The following PARD3 variants were observed in gnomAD, a reference collection of about 807,000 sequenced individuals.
PARD3 encodes the protein par-3 family cell polarity regulator, also known as partitioning defective 3 homolog.
In PARD3, 75 loss-of-function variants were observed where a neutral mutation model predicts 155.4. The observed-to-expected ratio is 0.48, with a 90% CI of 0.40 to 0.58. PARD3 has a LOEUF of 0.58. Among genes scored for constraint, PARD3 ranks in the 20% least tolerant of loss-of-function variants. The pLI is 0.00. For missense variants in PARD3, 1,642 were observed against 1,721.7 expected, an observed-to-expected ratio of 0.95 and a Z score of 0.82; for synonymous variants, 576 against 610.5, an observed-to-expected ratio of 0.94 and a Z score of 0.83.
At chr10:34,259,586 T>C (rs756424005) in intron 22 of PARD3, among the ~76,000 whole-genome samples, 21 of 152,288 alleles carry the variant, frequency 1.4e-4, no homozygotes, top group Middle Eastern at 3.4e-3. Context: ...TGAAGGTCCT[T>C]TTCACCTGGT....
chr10:34,293,270 T>C (rs1025256803), intron 20 of PARD3, among the ~76,000 whole-genome samples: 4 of 152,190 alleles, frequency 2.6e-5, no homozygotes, highest in South Asian at 4.1e-4. Flanking sequence ...AACTAGCTGA[T>C]AGACAAGAAG....
chr10:34,599,170 G>A (rs1377589259), intron 2 of PARD3, among the ~76,000 whole-genome samples: 4 of 152,058 alleles, frequency 2.6e-5, no homozygotes, highest in Non-Finnish European at 4.4e-5. Context: ...AGCACATTCC[G>A]AAGATGACTC....
intron 20 of PARD3, among the ~76,000 whole-genome samples, chr10:34,286,263 T>C (rs1019795935): frequency 5.9e-5 from 9 of 152,210 alleles, no homozygotes; most frequent in Non-Finnish European, 1.2e-4. Context: ...TACCATGCAG[T>C]CAGGGCTTAT....
At chr10:34,428,205 C>T (rs1564702074) in intron 5 of PARD3, among the ~76,000 whole-genome samples, 4 of 152,140 alleles carry the variant, frequency 2.6e-5, no homozygotes, top group Non-Finnish European at 5.9e-5. Flanking sequence ...CTCCCAATTC[C>T]CCTGACTCTA....
At chr10:34,525,643 A>T (rs776389268) in intron 2 of PARD3, among the ~76,000 whole-genome samples, 9 of 152,244 alleles carry the variant, frequency 5.9e-5, no homozygotes, top group Non-Finnish European at 1.3e-4. Flanking sequence ...TGCCTGCATT[A>T]ACAAATGATA....
intron 20 of PARD3, among the ~76,000 whole-genome samples, chr10:34,299,576 TAC>T (rs745767812): frequency 1.3e-5 from 2 of 152,208 alleles, no homozygotes; most frequent in Non-Finnish European, 2.9e-5. Context: ...ATGTCTGTCT[TAC>T]AAGATAAATA....
At chr10:34,587,920 C>A (rs2088254917) in intron 2 of PARD3, among the ~76,000 whole-genome samples, 1 of 152,276 alleles carries the variant, frequency 6.6e-6, no homozygotes, top group South Asian at 2.1e-4. Flanking sequence ...CACACAGGGG[C>A]CACAATAGGT....
intron 22 of PARD3, among the ~76,000 whole-genome samples, chr10:34,167,728 C>A (rs187775530): frequency 6.6e-6 from 1 of 152,300 alleles, no homozygotes; most frequent in East Asian, 1.9e-4. Flanking sequence ...CTTATTCTAT[C>A]AACTTCAGCC....
At chr10:34,637,873 G>C (rs140504619) in intron 2 of PARD3, among the ~76,000 whole-genome samples, 3 of 152,112 alleles carry the variant, frequency 2.0e-5, no homozygotes, top group African/African-American at 7.2e-5. Context: ...GTTTGCAGGC[G>C]TGAAATATAT....
rs182662804 is a variant in PARD3, at chr10:34,546,344, C to T, written c.223-29185G>A. Among the ~76,000 whole-genome samples the T allele has an allele frequency of 1.9e-4, 29 of 151,930 alleles. No individual in the cohort carries two copies. The East Asian group carries it at 4.1e-3, about 21-fold the overall frequency. ...CAGTCTGTCCAACATAGTGAAACCC[C>T]GCCTCTACTAAAAATACAAAAAATT... On this transcript the variant is annotated intron_variant, in intron 2 of 24. Coordinates refer to ENST00000374788, the MANE Select transcript of PARD3 (RefSeq NM_001184785.2).
intron 1 of PARD3, among the ~76,000 whole-genome samples, chr10:34,746,039 C>T (rs1403144214): frequency 2.0e-5 from 3 of 151,984 alleles, no homozygotes; most frequent in African/African-American, 7.2e-5. Flanking sequence ...GAGGCGGAGC[C>T]TGCAGTGAGC....
chr10:34,793,571 G>A (rs867202457), intron 1 of PARD3, among the ~76,000 whole-genome samples: 59 of 152,340 alleles, frequency 3.9e-4, no homozygotes, highest in African/African-American at 1.3e-3. Flanking sequence ...CAGATCACCT[G>A]AGGTCAGGAG....
At chr10:34,643,196 G>T (rs1475423054) in intron 2 of PARD3, among the ~76,000 whole-genome samples, 2 of 152,208 alleles carry the variant, frequency 1.3e-5, no homozygotes, top group Non-Finnish European at 2.9e-5. Context: ...GGGACAGAAG[G>T]CCCCACGGCT....
chr10:34,206,281 T>C (rs1951477840), intron 22 of PARD3, among the ~76,000 whole-genome samples: 2 of 152,184 alleles, frequency 1.3e-5, no homozygotes, highest in South Asian at 4.1e-4. Flanking sequence ...ATTGCACATC[T>C]TCAGCATATT....
At chr10:34,121,628 T>C (rs1434480980) in intron 23 of PARD3, among the ~76,000 whole-genome samples, 1 of 152,228 alleles carries the variant, frequency 6.6e-6, no homozygotes, top group Admixed American at 6.5e-5. Flanking sequence ...TCAAGCATCA[T>C]CTATTGTTCT....
intron 2 of PARD3, among the ~76,000 whole-genome samples, chr10:34,646,378 A>G (rs2092837482): frequency 6.6e-6 from 1 of 152,248 alleles, no homozygotes; most frequent in Non-Finnish European, 1.5e-5. Flanking sequence ...ATTTCAAATT[A>G]AACTCCTAAG....
At chr10:34,688,145 G>A (rs973971702) in intron 2 of PARD3, among the ~76,000 whole-genome samples, 4 of 152,118 alleles carry the variant, frequency 2.6e-5, no homozygotes, top group African/African-American at 9.7e-5. Context: ...GAGCCATGGC[G>A]CCTGGCTCTG....
intron 3 of PARD3, among the ~76,000 whole-genome samples, chr10:34,474,165 T>G (rs1401893919): frequency 1.3e-5 from 2 of 152,160 alleles, no homozygotes; most frequent in Non-Finnish European, 2.9e-5. Flanking sequence ...GCCCTGTCAG[T>G]CAGTCACTCA....
chr10:34,120,654 G>C (rs1478765211), intron 23 of PARD3, among the ~76,000 whole-genome samples: 1 of 152,086 alleles, frequency 6.6e-6, no homozygotes, highest in East Asian at 1.9e-4. Flanking sequence ...GCAATCCACA[G>C]ATGGCAGCCA....
Sources: allele counts gnomAD v4.1 joint callset (sites outside exome capture counted in the v4.1 genomes callset), GRCh38; gene constraint gnomAD v4.1.1; transcripts MANE v1.5; gene names NCBI Gene and HGNC (gene_info 2026-07-23, HGNC 2026-07-21).